The following CACNA1C variants were observed in gnomAD, a reference collection of about 807,000 sequenced individuals.
The protein encoded by CACNA1C is voltage-dependent L-type calcium channel subunit alpha-1C.
CACNA1C carries 30 observed loss-of-function variants against 229.0 expected under a neutral mutation model. That is an observed-to-expected ratio of 0.13 (90% CI 0.10 to 0.18). The LOEUF (loss-of-function observed/expected upper bound fraction) is 0.18, where lower values mean the gene tolerates loss of function less well. Ranked by LOEUF, CACNA1C falls within the 10% of genes least tolerant of loss-of-function variation. CACNA1C has a pLI of 1.00. For missense variants in CACNA1C, 1,658 were observed against 2,845.0 expected (o/e 0.58, Z 9.49); for synonymous variants, 1,114 against 1,132.5 (o/e 0.98, Z 0.33).
intron 4 of CACNA1C, among the ~76,000 whole-genome samples, chr12:2,457,000 C>T (rs891128971): frequency 3.9e-5 from 6 of 152,214 alleles, no homozygotes; most frequent in African/African-American, 9.6e-5. Flanking sequence ...GTTACGTGCA[C>T]GTGTGGTTCT....
chr12:2,667,332 T>TC (rs1569149779), intron 37 of CACNA1C, among the ~76,000 whole-genome samples: 1 of 152,150 alleles, frequency 6.6e-6, no homozygotes, highest in African/African-American at 2.4e-5. Flanking sequence ...GTGCTCCTTG[T>TC]TGGGGCAATA....
chr12:2,205,414 G>A (rs757519735), intron 3 of CACNA1C, among the ~76,000 whole-genome samples: 22 of 152,196 alleles, frequency 1.4e-4, no homozygotes, highest in Admixed American at 1.3e-4. Flanking sequence ...CTCATTATGT[G>A]TCACTTAATG....
intron 3 of CACNA1C, among the ~76,000 whole-genome samples, chr12:2,213,859 G>A (rs560734230): frequency 3.9e-5 from 6 of 152,332 alleles, no homozygotes; most frequent in East Asian, 1.9e-4. Context: ...CAGTCCATCC[G>A]TCCACATTTT....
Position 2,608,580 on chromosome 12 carries a change from C to T in CACNA1C, c.3426C>T (p.Ile1142=), listed in dbSNP as rs759972309. 3 of 1,613,780 alleles carry T rather than the reference C, an allele frequency of 1.9e-6. No individual in the cohort carries two copies. Among genetic ancestry groups the T allele is most frequent in the East Asian group, 4.5e-5 (2 of 44,886 alleles). ...KGPIYNYRVE[I]SIFFIIYIII... ...CCATCTACAACTACCGTGTGGAGAT[C>T]TCCATCTTCTTCATCATCTACATCA... The change falls in exon 27 of 47, where the codon ATC becomes ATT. Residue 1142 remains isoleucine (I), a synonymous_variant. Transcript: ENST00000399655. The surrounding 1 kb of genome is among the most constrained non-coding windows in gnomAD (Gnocchi z 4.2).
intron 13 of CACNA1C, among the ~76,000 whole-genome samples, chr12:2,568,231 C>T (rs985539936): frequency 6.6e-5 from 10 of 152,102 alleles, no homozygotes; most frequent in African/African-American, 1.2e-4. Flanking sequence ...CCGACCACCC[C>T]GGCCAAGTCA....
At chr12:2,450,377 A>G (rs1483201627) in intron 4 of CACNA1C, among the ~76,000 whole-genome samples, 1 of 151,500 alleles carries the variant, frequency 6.6e-6, no homozygotes, top group Non-Finnish European at 1.5e-5. Context: ...ACACGGTGAA[A>G]CCCCGTCTCT....
chr12:2,593,689 C>T (rs1210489996), intron 19 of CACNA1C, among the ~76,000 whole-genome samples: 1 of 152,220 alleles, frequency 6.6e-6, no homozygotes, highest in South Asian at 2.1e-4. Context: ...TTAACTCACT[C>T]ATCTGCTCCT....
At chr12:2,438,186 G>GT (rs140465531) in intron 3 of CACNA1C, among the ~76,000 whole-genome samples, 131,930 of 145,166 alleles carry the variant, frequency 0.91, 60,098 homozygotes, top group African/African-American at 0.98. Flanking sequence ...GGGGATGGTG[G>GT]GATAATGACG....
chr12:2,072,465 G>A (rs1380174592), intron 1 of CACNA1C, among the ~76,000 whole-genome samples: 2 of 152,092 alleles, frequency 1.3e-5, no homozygotes, highest in African/African-American at 2.4e-5. Flanking sequence ...CTCCCAGAGT[G>A]CTAGGATTAT....
intron 28 of CACNA1C, among the ~76,000 whole-genome samples, chr12:2,610,969 T>C (rs2077374653): frequency 6.6e-6 from 1 of 150,446 alleles, no homozygotes; most frequent in Non-Finnish European, 1.5e-5. Context: ...GGTTGATCAA[T>C]GGAGAGAGGG....
At chr12:2,105,072 G>A (rs1043229313) in intron 1 of CACNA1C, among the ~76,000 whole-genome samples, 2 of 152,190 alleles carry the variant, frequency 1.3e-5, no homozygotes, top group Non-Finnish European at 2.9e-5. Flanking sequence ...GCTTCCAGGC[G>A]TTCCTTACGA....
chr12:2,696,379 A>G lies in CACNA1C; in HGVS notation c.*5180A>G, dbSNP rs974202137. The G allele has an allele frequency of 6.6e-6, 1 of 152,116 alleles. No individual in the cohort carries two copies. The highest frequency in any genetic ancestry group is 1.5e-5 in the Non-Finnish European group (1 of 68,020). 9.4% of individuals were successfully genotyped at this position (152,116 alleles called of 1,614,324 possible). On this transcript the variant is annotated 3_prime_UTR_variant, in exon 47 of 47. Transcript: ENST00000399655. ...ACACAGAGGCTTGAAATGTTACATC[A>G]CCAGAGCCAAGTCCTCTCCCTTCAG...
intron 4 of CACNA1C, among the ~76,000 whole-genome samples, chr12:2,454,495 A>G (rs1055962420): frequency 6.6e-6 from 1 of 152,106 alleles, no homozygotes; most frequent in African/African-American, 2.4e-5. Flanking sequence ...CTCAGACGCC[A>G]TGTGCCACTG....
At chr12:2,117,912 C>T (rs1369876894) in intron 2 of CACNA1C, among the ~76,000 whole-genome samples, 1 of 152,192 alleles carries the variant, frequency 6.6e-6, no homozygotes, top group East Asian at 1.9e-4. Flanking sequence ...AAGGAGATAG[C>T]CTGGAGTACT....
At chr12:2,177,530 CTCTCCCTTCCCTT>C in intron 3 of CACNA1C, among the ~76,000 whole-genome samples, 1 of 147,258 alleles carries the variant, frequency 6.8e-6, no homozygotes, top group African/African-American at 2.5e-5. Context: ...CCTTCCTCTC[CTCTCCCTTCCCTT>C]TCCTTCCTTC....
intron 1 of CACNA1C, among the ~76,000 whole-genome samples, chr12:2,099,552 A>G (rs2075558296): frequency 6.6e-6 from 1 of 152,074 alleles, no homozygotes; most frequent in East Asian, 1.9e-4. Context: ...TGGGGTGGCC[A>G]CAGTCATATT....
intron 8 of CACNA1C, among the ~76,000 whole-genome samples, chr12:2,510,817 G>T (rs2099782046): frequency 6.6e-6 from 1 of 152,174 alleles, no homozygotes; most frequent in African/African-American, 2.4e-5. Context: ...CAAGAGAGGA[G>T]GCCTTGAAAC....
intron 5 of CACNA1C, among the ~76,000 whole-genome samples, chr12:2,458,324 CG>C (rs2099458786): frequency 6.6e-6 from 1 of 152,106 alleles, no homozygotes; most frequent in Non-Finnish European, 1.5e-5. Context: ...ATTGCCTATC[CG>C]GATGTCAGTC....
intron 3 of CACNA1C, among the ~76,000 whole-genome samples, chr12:2,420,104 T>G (rs1454747255): frequency 7.6e-5 from 5 of 65,604 alleles, no homozygotes; most frequent in East Asian, 6.8e-4. Context: ...GGCAAAATGG[T>G]GTGTGTGTGT....
Sources: gnomAD v4.1 joint callset for allele counts (sites outside exome capture counted in the v4.1 genomes callset) on GRCh38, gnomAD v4.1.1 for gene constraint, Gnocchi (gnomAD v3.1) non-coding constraint, MANE v1.5 for transcripts, NCBI Gene and HGNC (gene_info 2026-07-23, HGNC 2026-07-21) for gene names.